SMIM14: variants seen among roughly 807,000 people sequenced by gnomAD.
SMIM14 encodes the protein small integral membrane protein 14, also known as chromosome 4 open reading frame 34.
SMIM14 carries 5 observed loss-of-function variants against 12.6 expected under a neutral mutation model. The observed-to-expected ratio is 0.40, with a 90% CI of 0.21 to 0.83. SMIM14 has a LOEUF of 0.83. Among genes scored for constraint, SMIM14 ranks in the 40% least tolerant of loss-of-function variants. The pLI is 0.37. For synonymous variants in SMIM14, 30 were observed against 40.1 expected, an observed-to-expected ratio of 0.75 and a Z score of 0.95; for missense variants, 86 against 119.1, an observed-to-expected ratio of 0.72 and a Z score of 1.29.
intron 2 of SMIM14, chr4:39,588,136 C>T (rs1197043026): frequency 2.6e-5 from 4 of 152,166 alleles, no homozygotes; most frequent in African/African-American, 9.7e-5. Context: ...CAATGATCAG[C>T]AGACAAGCTG....
chr4:39,596,976 G>A (rs747150954), intron 2 of SMIM14, among the ~76,000 whole-genome samples: 22 of 151,522 alleles, frequency 1.5e-4, no homozygotes, highest in African/African-American at 4.6e-4. Context: ...GGATTTTGCC[G>A]TATTGCCCAG....
chr4:39,557,015 ATT>A (rs1173457845), intron 3 of SMIM14, among the ~76,000 whole-genome samples: 8 of 134,858 alleles, frequency 5.9e-5, no homozygotes, highest in African/African-American at 8.2e-5. Context: ...GTCTCTAACA[ATT>A]TTTTTTTTTT....
At chr4:39,559,644 G>A (rs1053087787) in intron 3 of SMIM14, among the ~76,000 whole-genome samples, 3 of 152,138 alleles carry the variant, frequency 2.0e-5, no homozygotes, top group Admixed American at 6.6e-5. Flanking sequence ...CACTGCTGAG[G>A]CCAAAAGGCT....
chr4:39,555,849 G>A (rs1711984839), intron 4 of SMIM14, among the ~76,000 whole-genome samples: 1 of 152,214 alleles, frequency 6.6e-6, no homozygotes, highest in Non-Finnish European at 1.5e-5. Context: ...GGAAGCATGA[G>A]AGGCAAGGGA....
intron 1 of SMIM14, among the ~76,000 whole-genome samples, chr4:39,618,177 C>T (rs1460795514): frequency 1.3e-5 from 2 of 152,092 alleles, no homozygotes; most frequent in African/African-American, 4.8e-5. Context: ...AGAAAAGGCC[C>T]CCAAAACATC....
rs1345930343 is a variant in SMIM14 at position 39,605,191 on chromosome 4, G to A, written c.-35-11C>T. On this transcript the variant is annotated splice_polypyrimidine_tract_variant and intron_variant, in intron 1 of 4. Coordinates refer to ENST00000295958, the MANE Select transcript of SMIM14 (RefSeq NM_174921.3). ...CTTGACTGTTTAAATCTAGGAGGAA[G>A]GAAAAAATACTGTTAAGTCTACAAT... The A allele has an allele frequency of 2.0e-6, 3 of 1,487,696 alleles. No homozygotes were observed. Among genetic ancestry groups the A allele is most frequent in the South Asian group, 1.2e-5 (1 of 82,618 alleles). The allele number at this position is 1,487,696 out of a possible 1,614,324, so 92.2% of individuals were successfully genotyped here.
chr4:39,596,069 C>A (rs1714349285), intron 2 of SMIM14, among the ~76,000 whole-genome samples: 1 of 152,022 alleles, frequency 6.6e-6, no homozygotes, highest in Non-Finnish European at 1.5e-5. Context: ...TCCTCTACCC[C>A]ACCCTTGATT....
At chr4:39,596,914 T>A (rs116688431) in intron 2 of SMIM14, among the ~76,000 whole-genome samples, 225 of 152,210 alleles carry the variant, frequency 1.5e-3, no homozygotes, top group Non-Finnish European at 2.8e-3. Flanking sequence ...GAGCTGTGAC[T>A]ATAGGTATGT....
chr4:39,605,244 G>T, intron 1 of SMIM14, 64 bp from the exon 2 acceptor site: 2 of 850,438 alleles, frequency 2.4e-6, no homozygotes, highest in Non-Finnish European at 3.6e-6. Flanking sequence ...CTTGAGCTAT[G>T]AAAAATTCTG....
chr4:39,567,201 GTGACAT>G (rs1312412692), intron 3 of SMIM14, among the ~76,000 whole-genome samples: 1 of 140,850 alleles, frequency 7.1e-6, no homozygotes, highest in African/African-American at 2.6e-5. Context: ...GGAAAAAAAT[GTGACAT>G]GGGAAATATG....
rs148467773 is a variant in SMIM14, at chr4:39,575,897, C to CTT, written c.76-3436_76-3435dup. 2.5e-3 allele frequency among the ~76,000 whole-genome samples: 326 copies of CTT among 132,978 alleles called. 1 individual carries two copies. The highest frequency in any genetic ancestry group is 6.1e-3 in the Admixed American group (79 of 12,924). 87.2% of individuals were successfully genotyped at this position (132,978 alleles called of 152,430 possible). ...GGCGTGAGCCACCATACCCAGCCTACTTTTTTTTTTTTTTGAGATGGAGTC... is the reference window on the plus strand; with the variant it reads ...GGCGTGAGCCACCATACCCAGCCTACTTTTTTTTTTTTTTTTGAGATGGAGTC... On this transcript the variant is annotated intron_variant, in intron 2 of 4. Transcript: ENST00000295958.
chr4:39,630,578 TG>T (rs1715861821), intron 1 of SMIM14, among the ~76,000 whole-genome samples: 1 of 151,894 alleles, frequency 6.6e-6, no homozygotes, highest in African/African-American at 2.4e-5. Flanking sequence ...AAGCAATTAT[TG>T]GGCCAGGCGC....
At chr4:39,555,571 A>G (rs937844188) in intron 4 of SMIM14, among the ~76,000 whole-genome samples, 2 of 152,136 alleles carry the variant, frequency 1.3e-5, no homozygotes, top group Non-Finnish European at 2.9e-5. Flanking sequence ...AAAACTCCCT[A>G]TTGGGTCACT....
At chr4:39,579,424 AAG>A (rs1188959233) in intron 2 of SMIM14, among the ~76,000 whole-genome samples, 4 of 151,666 alleles carry the variant, frequency 2.6e-5, no homozygotes, top group Admixed American at 6.6e-5. Flanking sequence ...AAAAAAAAAA[AAG>A]AAAAAAAAGA....
chr4:39,596,198 C>T (rs1017530037), intron 2 of SMIM14, among the ~76,000 whole-genome samples: 4 of 152,012 alleles, frequency 2.6e-5, no homozygotes, highest in African/African-American at 7.3e-5. Context: ...CAGGTCCAAG[C>T]GATTCTCCTG....
At chr4:39,564,788 C>T (rs28386860) in intron 3 of SMIM14, among the ~76,000 whole-genome samples, 2,366 of 152,190 alleles carry the variant, frequency 0.016, 49 homozygotes, top group African/African-American at 0.054. Context: ...TGAGATTATC[C>T]GAAAGAAGCA....
At chr4:39,556,592 A>G in intron 3 of SMIM14, 22 bp from the exon 4 acceptor site, 1 of 1,573,864 alleles carries the variant, frequency 6.4e-7, no homozygotes, top group Non-Finnish European at 8.6e-7. Flanking sequence ...CAAAAAATGT[A>G]GCATGCTCAC....
At position 39,551,831 on chromosome 4, in the gene SMIM14, C is replaced by T. The variant is rs1019702490; in HGVS notation, c.*295G>A. 6 of 238,306 alleles carry T rather than the reference C, an allele frequency of 2.5e-5. No homozygotes were observed. The Admixed American group carries it at 3.3e-4, about 13-fold the overall frequency. 14.8% of individuals were successfully genotyped at this position (238,306 alleles called of 1,614,324 possible). A position where few individuals can be genotyped will look rare whatever the true frequency, so the allele number is the denominator to read the frequency against. ...GAAATTATCACAAAAATTATAATCA[C>T]AGTTACAAACAGAATGAGTGGAATG... On this transcript the variant is annotated 3_prime_UTR_variant, in exon 5 of 5. Coordinates refer to ENST00000295958, the MANE Select transcript of SMIM14 (RefSeq NM_174921.3).
chr4:39,623,010 A>T (rs1195856523), intron 1 of SMIM14, among the ~76,000 whole-genome samples: 1 of 152,244 alleles, frequency 6.6e-6, no homozygotes, highest in Non-Finnish European at 1.5e-5. Flanking sequence ...ACCAATCCTG[A>T]TTCAAACCAA....
Sources: allele counts gnomAD v4.1 joint callset (sites outside exome capture counted in the v4.1 genomes callset), GRCh38; gene constraint gnomAD v4.1.1; transcripts MANE v1.5; gene names NCBI Gene and HGNC (gene_info 2026-07-23, HGNC 2026-07-21).